Variants in PSG7 observed in about 807,000 individuals in gnomAD.
PSG7 encodes the protein pregnancy specific beta-1-glycoprotein 7, also known as pregnancy-specific beta-1-glycoprotein 7.
In PSG7, 57 loss-of-function variants were observed where a neutral mutation model predicts 45.6. The observed-to-expected ratio is 1.25, with a 90% CI of 1.01 to 1.56. The LOEUF is 1.56. PSG7 is among the 40% of genes most tolerant of loss of function. The probability of loss-of-function intolerance (pLI) is 0.00; values close to 1 mark genes in which losing one functional copy is unlikely to be tolerated. For synonymous variants in PSG7, 298 were observed against 194.4 expected, an observed-to-expected ratio of 1.53 and a Z score of -4.43; for missense variants, 796 against 508.4, an observed-to-expected ratio of 1.57 and a Z score of -5.44.
At chr19:42,927,361 G>C (rs866806621) in intron 3 of PSG7, 4 of 157,154 alleles carry the variant, frequency 2.5e-5, no homozygotes, top group Admixed American at 5.9e-5. Context: ...GACCTCTAAA[G>C]ATAGAGCAGA....
intron 3 of PSG7, 193 bp from the exon 4 acceptor site, chr19:42,926,909 C>G: frequency 3.6e-6 from 4 of 1,102,172 alleles, no homozygotes; most frequent in Non-Finnish European, 5.1e-6. Context: ...CCTGCTCAGT[C>G]TTAGGGAAGC....
Position 42,929,478 on chromosome 19 carries a change from C to T in PSG7, c.673G>A (p.Ala225Thr). 6.2e-7 allele frequency: 1 copy of T among 1,612,592 alleles called. No individual in the cohort carries two copies. Among genetic ancestry groups the T allele is most frequent in the Non-Finnish European group, 8.5e-7 (1 of 1,179,200 alleles). Residue 225 changes from alanine to threonine, a missense_variant, in exon 3 of 6, where the codon GCC (alanine) becomes ACC (threonine). Coordinates refer to ENST00000406070, the MANE Select transcript of PSG7 (RefSeq NM_002783.3). ...AGGGTGACTGGGTCACTGCGGCTGG[C>T]ACTCACTGGGTTCCGTATTTCACAT... Reference protein sequence around the residue: ...YECEIRNPVSASRSDPVTLNL... With the variant: ...YECEIRNPVSTSRSDPVTLNL...
At chr19:42,925,259 A>C (rs1051909197) in intron 5 of PSG7, 1 of 303,368 alleles carries the variant, frequency 3.3e-6, no homozygotes, top group Non-Finnish European at 6.1e-6. Flanking sequence ...TCCTGTTACA[A>C]AGAGAGCAGG....
At position 42,925,855 on chromosome 19, in the gene PSG7, C is replaced by A. The variant is rs760475735; in HGVS notation, c.1161G>T (p.Lys387Asn). ...CAGAGCAAGCATAGAGCCCGCTATG[C>A]TTTGTAGTAATCTGGGGGATAGAAA... The part of the protein sequence containing the change: ...QKLSIPQITT[K>N]HSGLYACSVR... The change falls in exon 5 of 6, where the codon AAG becomes AAT. Residue 387 changes from lysine (K) to asparagine (N), a missense_variant. Lys to Asn is a moderately conservative substitution (Grantham distance 94, BLOSUM62 0). Transcript: ENST00000406070. 6 of 1,612,068 alleles carry A rather than the reference C, an allele frequency of 3.7e-6. No homozygotes were observed. Among genetic ancestry groups the A allele is most frequent in the Non-Finnish European group, 5.1e-6 (6 of 1,179,062 alleles).
At position 42,924,544 on chromosome 19, in the gene PSG7, G is replaced by A. The variant is rs1972484411; in HGVS notation, c.*264C>T. 1.2e-5 allele frequency: 7 copies of A among 595,670 alleles called. No homozygotes were observed. Among genetic ancestry groups the A allele is most frequent in the South Asian group, 1.1e-4 (5 of 46,530 alleles). The allele number at this position is 595,670 out of a possible 1,614,324, so 36.9% of individuals were successfully genotyped here. On this transcript the variant is annotated 3_prime_UTR_variant, in exon 6 of 6. Transcript: ENST00000406070. ...GAGGGGTGAGAGCCTCATCATGATGGGGAGTCTTATTCTGACATCTTGGGA... is the reference window on the plus strand; with the variant it reads ...GAGGGGTGAGAGCCTCATCATGATGAGGAGTCTTATTCTGACATCTTGGGA...
At chr19:42,925,064 T>C (rs1316419223) in intron 5 of PSG7, 2 of 537,608 alleles carry the variant, frequency 3.7e-6, no homozygotes, top group Admixed American at 3.3e-5. Flanking sequence ...TTTTAAAATT[T>C]TCTTTGCTGT....
At chr19:42,925,413 T>C in intron 5 of PSG7, 1 of 479,130 alleles carries the variant, frequency 2.1e-6, no homozygotes, top group Non-Finnish European at 3.5e-6. Flanking sequence ...ATTGAACCAC[T>C]ATAAGCTAGA....
At chr19:42,933,116 T>C (rs1035421112) in intron 2 of PSG7, among the ~76,000 whole-genome samples, 1 of 148,542 alleles carries the variant, frequency 6.7e-6, no homozygotes, top group South Asian at 2.2e-4. Context: ...GCAGTACTCA[T>C]TTTTTAGTCC....
At chr19:42,933,778 C>A (rs191352569) in intron 2 of PSG7, among the ~76,000 whole-genome samples, 133 of 151,158 alleles carry the variant, frequency 8.8e-4, no homozygotes, top group African/African-American at 3.2e-3. Flanking sequence ...ACTTCAGTGA[C>A]CCCAGGGACA....
At chr19:42,927,993 T>C (rs1972932751) in intron 3 of PSG7, among the ~76,000 whole-genome samples, 1 of 151,772 alleles carries the variant, frequency 6.6e-6, no homozygotes, top group Non-Finnish European at 1.5e-5. Flanking sequence ...ATTCAAAGTC[T>C]AAGATGCTTC....
chr19:42,935,259 G>A (rs1253853067), intron 2 of PSG7, 145 bp downstream of exon 2: 5 of 1,443,612 alleles, frequency 3.5e-6, no homozygotes, highest in Non-Finnish European at 4.8e-6. Context: ...TCCTCTGTGT[G>A]TTTCCTGCAA....
At chr19:42,925,073 G>C (rs1471541746) in intron 5 of PSG7, 40 of 529,824 alleles carry the variant, frequency 7.5e-5, no homozygotes, top group African/African-American at 1.5e-4. Flanking sequence ...TTTCTTTGCT[G>C]TAAGTTTTTA....
intron 2 of PSG7, among the ~76,000 whole-genome samples, chr19:42,932,062 C>T (rs973692732): frequency 6.6e-6 from 1 of 151,242 alleles, no homozygotes; most frequent in Non-Finnish European, 1.5e-5. Flanking sequence ...CTCTCTTTGT[C>T]ACCCAGGCTG....
chr19:42,933,897 G>A (rs570613667), intron 2 of PSG7, among the ~76,000 whole-genome samples: 39 of 151,520 alleles, frequency 2.6e-4, no homozygotes, highest in African/African-American at 9.5e-4. Flanking sequence ...AAGAGGTAGT[G>A]GGGTGATGAA....
At chr19:42,935,263 C>T in intron 2 of PSG7, 141 bp downstream of exon 2, 3 of 1,447,564 alleles carry the variant, frequency 2.1e-6, no homozygotes, top group Admixed American at 3.4e-5. Context: ...CTGTGTGTTT[C>T]CTGCAATAAA....
intron 3 of PSG7, chr19:42,929,212 T>A (rs1436620914): frequency 3.0e-6 from 3 of 1,014,368 alleles, no homozygotes; most frequent in African/African-American, 1.6e-5. Context: ...GTTTCTTCCA[T>A]CACAAGCTGT....
In PSG7 at chr19:42,925,691, C is replaced by A. The variant is rs187898904; in HGVS notation, c.1243+82G>T. The A allele has an allele frequency of 5.5e-5, 89 of 1,604,420 alleles. No homozygotes were observed. In the African/African-American group the frequency reaches 7.9e-4, roughly 14 times the overall value. On this transcript the variant is annotated intron_variant, in intron 5 of 5. Coordinates refer to ENST00000406070, the MANE Select transcript of PSG7 (RefSeq NM_002783.3). The stretch of plus-strand genomic sequence containing the variant: ...GCCCATGGGACACAGGCTGGGAATA[C>A]AAATGTTTTCCTGACTTTTCTCTGA...
chr19:42,925,642 G>A (rs1379823521), intron 5 of PSG7, 131 bp downstream of exon 5: 2 of 1,558,130 alleles, frequency 1.3e-6, no homozygotes, highest in Non-Finnish European at 8.7e-7. Context: ...GAGGGTTCAG[G>A]AGGAAAATTT....
chr19:42,935,099 C>A lies in PSG7; in HGVS notation c.430+305G>T, dbSNP rs988492516. 4.6e-5 allele frequency among the ~76,000 whole-genome samples: 7 copies of A among 151,910 alleles called. No individual in the cohort carries two copies. The South Asian group carries it at 1.5e-3, about 32-fold the overall frequency. ...CCCTACTCAGTTTTCCAGGGTCTTTCTCAGGGTCAAATTTATGAAGAGGGC... is the reference window on the plus strand; with the variant it reads ...CCCTACTCAGTTTTCCAGGGTCTTTATCAGGGTCAAATTTATGAAGAGGGC... On this transcript the variant is annotated intron_variant, in intron 2 of 5. Coordinates refer to ENST00000406070, the MANE Select transcript of PSG7 (RefSeq NM_002783.3).
Sources: allele counts gnomAD v4.1 joint callset (sites outside exome capture counted in the v4.1 genomes callset), GRCh38; gene constraint gnomAD v4.1.1; transcripts MANE v1.5; gene names NCBI Gene and HGNC (gene_info 2026-07-23, HGNC 2026-07-21).